The following SUMF1 variants were observed in gnomAD, a reference collection of about 807,000 sequenced individuals.
SUMF1 encodes formylglycine-generating enzyme.
In SUMF1, 48 loss-of-function variants were observed where a neutral mutation model predicts 47.6. The observed-to-expected ratio is 1.01, with a 90% CI of 0.80 to 1.28. The LOEUF is 1.28. Ranked by LOEUF, SUMF1 falls within the 50% of genes most tolerant of loss-of-function variation. The probability of loss-of-function intolerance (pLI) is 0.00; values close to 1 mark genes in which losing one functional copy is unlikely to be tolerated. For synonymous variants in SUMF1, 230 were observed against 192.1 expected (o/e 1.20, Z -1.63); for missense variants, 571 against 485.4 (o/e 1.18, Z -1.66).
At chr3:4,339,645 G>A (rs1699228132) in intron 8 of SUMF1, among the ~76,000 whole-genome samples, 1 of 152,150 alleles carries the variant, frequency 6.6e-6, no homozygotes, top group African/African-American at 2.4e-5. Context: ...GTCTTGGGTA[G>A]GAAGGCTGAT....
At chr3:4,404,674 G>C (rs543270542) in intron 7 of SUMF1, among the ~76,000 whole-genome samples, 1 of 152,222 alleles carries the variant, frequency 6.6e-6, no homozygotes, top group Admixed American at 6.5e-5. Context: ...TGAGGCAGGA[G>C]AATCGCTTGA....
chr3:4,363,504 T>C (rs1024470835), intron 8 of SUMF1, among the ~76,000 whole-genome samples: 6 of 151,728 alleles, frequency 4.0e-5, no homozygotes, highest in Non-Finnish European at 7.4e-5. Context: ...GGGAGTTCAC[T>C]CATGATTTGG....
In SUMF1 at chr3:4,280,814, CGTGTGTGTGTGTGTGTGTGTGTGTGT is replaced by C. The variant is rs56919301; in HGVS notation, c.1014+95490_1014+95515del. Among the ~76,000 whole-genome samples the C allele has an allele frequency of 4.0e-3, 546 of 138,122 alleles. 7 individuals are homozygous for C. Among genetic ancestry groups the C allele is most frequent in the African/African-American group, 8.2e-3 (312 of 38,140 alleles). The allele number at this position is 138,122 out of a possible 152,430, so 90.6% of individuals were successfully genotyped here. Reference sequence around the variant, plus strand: ...ACTCCAATCTTCAAATGGCATTCACCGTGTGTGTGTGTGTGTGTGTGTGTGTGTGTGTGTGTGTGTGTGTGTGTGTG... The same window carrying C: ...ACTCCAATCTTCAAATGGCATTCACCGTGTGTGTGTGTGTGTGTGTGTGTG... On this transcript the variant is annotated intron_variant and NMD_transcript_variant, in intron 8 of 12. Transcript: ENST00000448413.
chr3:4,196,826 A>C (rs566796217), intron 8 of SUMF1, among the ~76,000 whole-genome samples: 11 of 152,282 alleles, frequency 7.2e-5, no homozygotes, highest in Admixed American at 2.6e-4. Flanking sequence ...CTAGGGAACC[A>C]GTGCCACTTT....
At chr3:4,206,336 G>C (rs1449007707) in intron 8 of SUMF1, among the ~76,000 whole-genome samples, 1 of 151,912 alleles carries the variant, frequency 6.6e-6, no homozygotes, top group Non-Finnish European at 1.5e-5. Flanking sequence ...ACTTGCTCAG[G>C]AATCACAGTC....
At chr3:4,364,560 C>A (rs944802698) in intron 8 of SUMF1, among the ~76,000 whole-genome samples, 1 of 149,374 alleles carries the variant, frequency 6.7e-6, no homozygotes, top group Non-Finnish European at 1.5e-5. Flanking sequence ...TCTGTGGGAT[C>A]GGTGGTGATA....
chr3:4,153,028 ATTC>A (rs1251044766), intron 8 of SUMF1, among the ~76,000 whole-genome samples: 1 of 151,526 alleles, frequency 6.6e-6, no homozygotes, highest in Non-Finnish European at 1.5e-5. Context: ...ACCAAGCCCT[ATTC>A]TTCTGAGAAC....
intron 8 of SUMF1, among the ~76,000 whole-genome samples, chr3:4,192,559 T>G (rs371720628): frequency 6.6e-5 from 10 of 152,220 alleles, no homozygotes; most frequent in African/African-American, 2.2e-4. Context: ...TAATAAAGAA[T>G]TTGTCTGGTT....
intron 8 of SUMF1, among the ~76,000 whole-genome samples, chr3:4,275,820 AG>A (rs1183079489): frequency 6.6e-6 from 1 of 152,218 alleles, no homozygotes; most frequent in Non-Finnish European, 1.5e-5. Flanking sequence ...CACTTAGCCA[AG>A]CAACTATGGT....
chr3:4,187,003 A>G (rs956485121), intron 8 of SUMF1, among the ~76,000 whole-genome samples: 9 of 152,214 alleles, frequency 5.9e-5, no homozygotes, highest in African/African-American at 1.9e-4. Flanking sequence ...TAGTTATGCA[A>G]TACATTCAGG....
At chr3:4,217,608 C>A (rs1482753540) in intron 8 of SUMF1, among the ~76,000 whole-genome samples, 1 of 132,674 alleles carries the variant, frequency 7.5e-6, no homozygotes, top group Non-Finnish European at 1.6e-5. Context: ...TTCACGATTT[C>A]TTTTTAGGGA....
chr3:4,441,492 G>A (rs1702585979), intron 3 of SUMF1, among the ~76,000 whole-genome samples: 1 of 152,118 alleles, frequency 6.6e-6, no homozygotes, highest in East Asian at 1.9e-4. Flanking sequence ...CACATCCGAG[G>A]AAAAACTGTC....
At chr3:4,108,587 C>T (rs549627753) in intron 8 of SUMF1, among the ~76,000 whole-genome samples, 2 of 152,166 alleles carry the variant, frequency 1.3e-5, no homozygotes, top group South Asian at 2.1e-4. Flanking sequence ...TAAGGACTTG[C>T]TATATGAATC....
At chr3:4,254,026 A>G (rs997332392) in intron 8 of SUMF1, among the ~76,000 whole-genome samples, 3 of 151,240 alleles carry the variant, frequency 2.0e-5, no homozygotes, top group African/African-American at 4.9e-5. Context: ...ACAGCAGGGT[A>G]TTCCAACAGA....
chr3:4,046,612 C>T (rs1163223208), intron 9 of SUMF1, among the ~76,000 whole-genome samples: 1 of 152,112 alleles, frequency 6.6e-6, no homozygotes, highest in East Asian at 1.9e-4. Flanking sequence ...ATTCCCTTTA[C>T]CTCACTCTTT....
intron 8 of SUMF1, among the ~76,000 whole-genome samples, chr3:4,128,236 A>C (rs562580640): frequency 1.6e-4 from 24 of 152,278 alleles, no homozygotes; most frequent in Non-Finnish European, 2.9e-4. Flanking sequence ...ACTGACCTGC[A>C]ACAAAAGTTG....
intron 8 of SUMF1, among the ~76,000 whole-genome samples, chr3:4,251,094 G>A (rs1696792184): frequency 6.6e-6 from 1 of 152,280 alleles, no homozygotes; most frequent in South Asian, 2.1e-4. Context: ...TTCTGGAAAG[G>A]ATTCACCATT....
intron 7 of SUMF1, among the ~76,000 whole-genome samples, chr3:4,399,451 T>G (rs925297911): frequency 2.0e-5 from 3 of 152,220 alleles, no homozygotes; most frequent in Non-Finnish European, 4.4e-5. Context: ...CATGGACTAC[T>G]CTATGTGAGA....
chr3:4,122,344 G>C (rs1430753353), intron 8 of SUMF1, among the ~76,000 whole-genome samples: 1 of 152,142 alleles, frequency 6.6e-6, no homozygotes, highest in African/African-American at 2.4e-5. Flanking sequence ...ATTCGGAATA[G>C]GTAAATCCAT....
Sources: allele counts gnomAD v4.1 joint callset (sites outside exome capture counted in the v4.1 genomes callset), GRCh38; gene constraint gnomAD v4.1.1; transcripts MANE v1.5; gene names NCBI Gene and HGNC (gene_info 2026-07-23, HGNC 2026-07-21).